Variants in CLRN2 observed in about 807,000 individuals in gnomAD.
The protein encoded by CLRN2 is clarin-2.
In CLRN2, 17 loss-of-function variants were observed where a neutral mutation model predicts 20.1. The observed-to-expected ratio is 0.85, with a 90% CI of 0.58 to 1.27. The LOEUF (loss-of-function observed/expected upper bound fraction) is 1.27, where lower values mean the gene tolerates loss of function less well. Among genes scored for constraint, CLRN2 ranks in the 50% most tolerant of loss-of-function variants. The pLI, the probability that CLRN2 is intolerant of heterozygous loss-of-function variation, is 0.00. For missense variants in CLRN2, 288 were observed against 299.5 expected (o/e 0.96, Z 0.28); for synonymous variants, 140 against 126.9 (o/e 1.10, Z -0.70).
At position 17,515,390 on chromosome 4, in the gene CLRN2, A is replaced by T. The variant is rs1711632158; in HGVS notation, c.124A>T (p.Thr42Ser). Residue 42 changes from threonine to serine, a missense_variant, in exon 1 of 3, where the codon ACT (threonine) becomes TCT (serine). Coordinates refer to ENST00000511148, the MANE Select transcript of CLRN2 (RefSeq NM_001079827.2). ...GCTGAGTGGGAAAATCCTTTGTCAG[A>T]CTGGAGTGGATCTGGTCAACGCCAC... ...HWLSGKILCQTGVDLVNATDR... is the reference protein window; with the variant it reads ...HWLSGKILCQSGVDLVNATDR... The T allele has an allele frequency of 1.2e-6, 2 of 1,613,890 alleles. No individual in the cohort carries two copies. The highest frequency in any genetic ancestry group is 1.7e-6 in the Non-Finnish European group (2 of 1,179,876).
intron 1 of CLRN2, among the ~76,000 whole-genome samples, chr4:17,517,894 G>A (rs1711719768): frequency 6.6e-6 from 1 of 152,112 alleles, no homozygotes; most frequent in Non-Finnish European, 1.5e-5. Context: ...CTTTACCCCA[G>A]TACAGCTCAG....
chr4:17,515,305 G>A lies in CLRN2; in HGVS notation c.39G>A (p.Ala13=), dbSNP rs764563397. 4 of 1,614,004 alleles carry A rather than the reference G, an allele frequency of 2.5e-6. No homozygotes were observed. Among genetic ancestry groups the A allele is most frequent in the Admixed American group, 1.7e-5 (1 of 60,020 alleles). Residue 13 remains alanine (A), a synonymous_variant, in exon 1 of 3, where the codon GCG becomes GCA. Transcript: ENST00000511148. ...GWFKKAWYGL[A]SLLSFSSFIL... ...TCAAAAAGGCGTGGTATGGGCTGGC[G>A]TCTTTACTCAGCTTCTCCTCCTTCA...
At chr4:17,521,171 A>T (rs1331789651) in intron 1 of CLRN2, among the ~76,000 whole-genome samples, 1 of 152,218 alleles carries the variant, frequency 6.6e-6, no homozygotes, top group Non-Finnish European at 1.5e-5. Flanking sequence ...AACTCACTGG[A>T]AAGGAGCTCA....
At chr4:17,522,819 G>A (rs941721845) in intron 1 of CLRN2, 45 bp from the exon 2 acceptor site, 3 of 1,592,264 alleles carry the variant, frequency 1.9e-6, no homozygotes, top group South Asian at 1.1e-5. Flanking sequence ...ATGAAAGTGA[G>A]TCTAACTCTG....
Position 17,526,882 on chromosome 4 carries a change from C to A in CLRN2, c.499C>A (p.Arg167=), listed in dbSNP as rs774584580. Residue 167 remains arginine (R), a synonymous_variant, in exon 3 of 3, where the codon CGA becomes AGA. Transcript: ENST00000511148. Reference sequence around the variant, plus strand: ...GGTGAAATTTCACGACCTGACGGAACGAATCGCCAACTTTCAGGAGAAGCT... The same window carrying A: ...GGTGAAATTTCACGACCTGACGGAAAGAATCGCCAACTTTCAGGAGAAGCT... ...AAVKFHDLTE[R]IANFQEKLFQ... 2 of 1,613,982 alleles carry A rather than the reference C, an allele frequency of 1.2e-6. No individual in the cohort carries two copies. Among genetic ancestry groups the A allele is most frequent in the African/African-American group, 1.3e-5 (1 of 75,046 alleles).
chr4:17,524,782 A>C (rs927813992), intron 2 of CLRN2, among the ~76,000 whole-genome samples: 4 of 151,502 alleles, frequency 2.6e-5, no homozygotes, highest in Admixed American at 6.6e-5. Flanking sequence ...TTAGCTGTCC[A>C]TGGTGTCCGG....
chr4:17,515,918 T>C (rs562111789), intron 1 of CLRN2, among the ~76,000 whole-genome samples: 5 of 152,164 alleles, frequency 3.3e-5, no homozygotes, highest in Non-Finnish European at 1.5e-5. Context: ...ACACTGAGGC[T>C]TGGAGAGGTT....
intron 2 of CLRN2, among the ~76,000 whole-genome samples, chr4:17,524,204 A>ATTGTGTGTG (rs373377882): frequency 6.7e-6 from 1 of 148,536 alleles, no homozygotes; most frequent in African/African-American, 2.5e-5. Context: ...AAACTACAAG[A>ATTGTGTGTG]TGTGTGTGTG....
At position 17,523,033 on chromosome 4, in the gene CLRN2, T is replaced by C; in HGVS notation, c.423T>C (p.Asn141=). The C allele has an allele frequency of 6.2e-7, 1 of 1,611,918 alleles. No individual in the cohort carries two copies. ...GTCCTGGGGGCATCTGCCTATGGAA[T>C]GTCCTGGCAGGTAAGAAGTCCCTTA... ...VSGPGGICLW[N]VLAGGVVALA... is the part of the protein sequence containing the mutation. The change falls in exon 2 of 3, where the codon AAT becomes AAC. Residue 141 remains asparagine, a synonymous_variant. Coordinates refer to ENST00000511148, the MANE Select transcript of CLRN2 (RefSeq NM_001079827.2).
In CLRN2 at chr4:17,523,061, GAGAGAAAATT is replaced by G; in HGVS notation, c.433+20_433+29del. 1 of 1,595,790 alleles carries G rather than the reference GAGAGAAAATT, an allele frequency of 6.3e-7. No homozygotes were observed. The highest frequency in any genetic ancestry group is 8.6e-7 in the Non-Finnish European group (1 of 1,168,564). ...CCTGGCAGGTAAGAAGTCCCTTAGG[GAGAGAAAATT>G]ATGTCCACACCATCATAGGGCTGGG... On this transcript the variant is annotated intron_variant, in intron 2 of 2. Transcript: ENST00000511148.
At chr4:17,525,344 T>C (rs946596125) in intron 2 of CLRN2, among the ~76,000 whole-genome samples, 3 of 152,186 alleles carry the variant, frequency 2.0e-5, no homozygotes, top group African/African-American at 7.2e-5. Context: ...TCATTTATAG[T>C]CATGCTGTAA....
At chr4:17,518,236 A>G (rs899195581) in intron 1 of CLRN2, among the ~76,000 whole-genome samples, 80 of 152,294 alleles carry the variant, frequency 5.3e-4, no homozygotes, top group African/African-American at 1.9e-3. Flanking sequence ...TCCCACGCCA[A>G]TCATGGAGAA....
rs375052668 is a variant in CLRN2 at position 17,526,939 on chromosome 4, G to A, written c.556G>A (p.Glu186Lys). 4 of 1,614,074 alleles carry A rather than the reference G, an allele frequency of 2.5e-6. No individual in the cohort carries two copies. Among genetic ancestry groups the A allele is most frequent in the East Asian group, 4.5e-5 (2 of 44,884 alleles). ...GTTTGTGGTGGTGGAAGAACAGTAT[G>A]AAGAGTCGTTTTGGATCTGCGTGGC... ...FQFVVVEEQY[E>K]ESFWICVASA... The change falls in exon 3 of 3, where the codon GAA becomes AAA. Residue 186 changes from glutamate to lysine, a missense_variant. By Grantham distance (56) the Glu-to-Lys change is moderately conservative (BLOSUM62 1). Coordinates refer to ENST00000511148, the MANE Select transcript of CLRN2 (RefSeq NM_001079827.2).
At chr4:17,520,928 G>A (rs2109002389) in intron 1 of CLRN2, among the ~76,000 whole-genome samples, 1 of 152,290 alleles carries the variant, frequency 6.6e-6, no homozygotes, top group African/African-American at 2.4e-5. Context: ...TGAGGCATGA[G>A]AATTGCTTGA....
At chr4:17,521,999 G>A (rs530639877) in intron 1 of CLRN2, among the ~76,000 whole-genome samples, 1 of 152,138 alleles carries the variant, frequency 6.6e-6, no homozygotes, top group African/African-American at 2.4e-5. Flanking sequence ...CTCTTTCAGG[G>A]TCACATTTGT....
At chr4:17,518,341 A>G (rs1711744861) in intron 1 of CLRN2, among the ~76,000 whole-genome samples, 2 of 152,226 alleles carry the variant, frequency 1.3e-5, no homozygotes, top group South Asian at 4.1e-4. Flanking sequence ...TTGGGTGGCT[A>G]GAGAAAGAAA....
At chr4:17,524,471 A>G (rs1315005339) in intron 2 of CLRN2, among the ~76,000 whole-genome samples, 1 of 152,142 alleles carries the variant, frequency 6.6e-6, no homozygotes, top group East Asian at 1.9e-4. Flanking sequence ...ATTATAATGT[A>G]TATCAATCAA....
chr4:17,518,634 G>T (rs1470724679), intron 1 of CLRN2, among the ~76,000 whole-genome samples: 1 of 152,118 alleles, frequency 6.6e-6, no homozygotes, highest in African/African-American at 2.4e-5. Context: ...GGTGGCAGGT[G>T]CCTGTAATCC....
In CLRN2 at chr4:17,515,580, G is replaced by C. The variant is rs909198500; in HGVS notation, c.253+61G>C. On this transcript the variant is annotated intron_variant, in intron 1 of 2. Coordinates refer to ENST00000511148, the MANE Select transcript of CLRN2 (RefSeq NM_001079827.2). ...CACTCATTTTTGTTAATGTGTAAGA[G>C]TGCTTATGTCTCATTGTGGAATTTG... is the stretch of plus-strand genomic sequence containing the variant. 5 of 1,567,880 alleles carry C rather than the reference G, an allele frequency of 3.2e-6. No individual in the cohort carries two copies. In the African/African-American group the frequency reaches 6.8e-5, roughly 21 times the overall value.
Sources: allele counts gnomAD v4.1 joint callset (sites outside exome capture counted in the v4.1 genomes callset), GRCh38; gene constraint gnomAD v4.1.1; transcripts MANE v1.5; gene names NCBI Gene and HGNC (gene_info 2026-07-23, HGNC 2026-07-21).